The following PAPPA2 variants were observed in gnomAD, a reference collection of about 807,000 sequenced individuals.
The protein encoded by PAPPA2 is pappalysin 2.
PAPPA2 carries 86 observed loss-of-function variants against 176.4 expected under a neutral mutation model. The ratio of observed to expected loss-of-function variants is 0.49; its 90% confidence interval spans 0.41 to 0.58. The LOEUF (loss-of-function observed/expected upper bound fraction) is 0.58. Ranked by LOEUF, PAPPA2 falls within the 20% of genes least tolerant of loss-of-function variation. PAPPA2 has a pLI of 0.00. For missense variants in PAPPA2, 2,073 were observed against 2,256.9 expected, an observed-to-expected ratio of 0.92 and a Z score of 1.65; for synonymous variants, 809 against 852.2, an observed-to-expected ratio of 0.95 and a Z score of 0.88.
intron 1 of PAPPA2, among the ~76,000 whole-genome samples, chr1:176,499,220 T>C (rs1647817636): frequency 6.6e-6 from 1 of 152,198 alleles, no homozygotes; most frequent in Non-Finnish European, 1.5e-5. Context: ...GGGAAACAAT[T>C]ATTTAATAAT....
intron 3 of PAPPA2, among the ~76,000 whole-genome samples, chr1:176,658,624 G>A (rs2102754656): frequency 6.6e-6 from 1 of 152,044 alleles, no homozygotes; most frequent in African/African-American, 2.4e-5. Flanking sequence ...TTAGAATTTT[G>A]ATAATTAAAG....
intron 19 of PAPPA2, 67 bp downstream of exon 19, chr1:176,791,549 T>G: frequency 2.6e-6 from 4 of 1,532,840 alleles, no homozygotes; most frequent in Non-Finnish European, 3.6e-6. Context: ...AGCTGAATTT[T>G]TTTTAATTTT....
intron 12 of PAPPA2, among the ~76,000 whole-genome samples, chr1:176,722,878 A>G (rs1485738292): frequency 6.6e-6 from 1 of 152,190 alleles, no homozygotes; most frequent in East Asian, 1.9e-4. Flanking sequence ...TTACTTTAAT[A>G]TATGTCAGTT....
In PAPPA2 at chr1:176,756,030, C is replaced by T. The variant is rs1192295635; in HGVS notation, c.4152-9636C>T. 5.9e-5 allele frequency among the ~76,000 whole-genome samples: 9 copies of T among 152,270 alleles called. No individual in the cohort carries two copies. The East Asian group carries it at 1.7e-3, about 29-fold the overall frequency. On this transcript the variant is annotated intron_variant, in intron 14 of 22. Transcript: ENST00000367662. ...AGGTTGGAGTGCAGCACAATCTCGG[C>T]TCACTGCAATGTCCATCTCCCGGGT...
At chr1:176,487,596 C>A (rs892824695) in intron 1 of PAPPA2, among the ~76,000 whole-genome samples, 1 of 152,098 alleles carries the variant, frequency 6.6e-6, no homozygotes, top group Non-Finnish European at 1.5e-5. Flanking sequence ...AACAGCTAGA[C>A]CTGGTGAGAT....
At chr1:176,708,376 C>A (rs1026436557) in intron 10 of PAPPA2, among the ~76,000 whole-genome samples, 4 of 151,784 alleles carry the variant, frequency 2.6e-5, no homozygotes, top group Admixed American at 2.0e-4. Flanking sequence ...TTGAAGGAAC[C>A]CCATTGTAAA....
At position 176,704,825 on chromosome 1, in the gene PAPPA2, A is replaced by G. The variant is rs182692592; in HGVS notation, c.3366-1534A>G. The stretch of plus-strand genomic sequence containing the variant: ...AATAATGTAACATGCCTCATTTTAT[A>G]CTGACTGCAGATTGAAATAATATTT... On this transcript the variant is annotated intron_variant, in intron 9 of 22. Coordinates refer to ENST00000367662, the MANE Select transcript of PAPPA2 (RefSeq NM_020318.3). 3.2e-4 allele frequency among the ~76,000 whole-genome samples: 49 copies of G among 152,306 alleles called. 1 individual carries two copies. The Middle Eastern group carries it at 0.01, about 32-fold the overall frequency.
chr1:176,499,757 A>C (rs1480789664), intron 1 of PAPPA2, among the ~76,000 whole-genome samples: 1 of 152,198 alleles, frequency 6.6e-6, no homozygotes, highest in Admixed American at 6.5e-5. Context: ...TCTTAATCAC[A>C]GTCTATCATA....
intron 12 of PAPPA2, among the ~76,000 whole-genome samples, chr1:176,736,412 G>A (rs1250041503): frequency 6.7e-6 from 1 of 150,202 alleles, no homozygotes; most frequent in African/African-American, 2.4e-5. Flanking sequence ...CTATATATAT[G>A]TATGTATTCC....
intron 3 of PAPPA2, among the ~76,000 whole-genome samples, chr1:176,669,769 G>A (rs1658880544): frequency 6.6e-6 from 1 of 152,028 alleles, no homozygotes; most frequent in Admixed American, 6.6e-5. Flanking sequence ...CCCTTTCTCA[G>A]GTGCTTTTTG....
chr1:176,708,624 T>C (rs1660994478), intron 10 of PAPPA2, among the ~76,000 whole-genome samples: 1 of 151,956 alleles, frequency 6.6e-6, no homozygotes, highest in Admixed American at 6.6e-5. Context: ...TGAGTAGGTT[T>C]GGTGAAATGC....
chr1:176,614,839 T>C (rs569279623), intron 3 of PAPPA2, among the ~76,000 whole-genome samples: 2 of 152,242 alleles, frequency 1.3e-5, no homozygotes, highest in Admixed American at 6.5e-5. Context: ...ATCAATTACA[T>C]AGTAAAACAA....
At chr1:176,525,054 T>C (rs952044237) in intron 1 of PAPPA2, among the ~76,000 whole-genome samples, 1 of 151,774 alleles carries the variant, frequency 6.6e-6, no homozygotes, top group African/African-American at 2.4e-5. Context: ...AAAAAAAAAG[T>C]TACAGCCTTA....
rs374998918 is a variant in PAPPA2 at position 176,711,946 on chromosome 1, G to T, written c.3763G>T (p.Gly1255Cys). ...GGATGACAGGAGTGAACAGCCAGAA[G>T]GTAGCCTGAAGAAAGAGGATGAGGT... The part of the protein sequence containing the change: ...TQDDRSEQPE[G>C]SLKKEDEVWL... Residue 1255 changes from glycine to cysteine, a missense_variant, in exon 12 of 23, where the codon GGT (glycine) becomes TGT (cysteine). Gly to Cys is a radical substitution (Grantham distance 159). Coordinates refer to ENST00000367662, the MANE Select transcript of PAPPA2 (RefSeq NM_020318.3). 2 of 1,613,458 alleles carry T rather than the reference G, an allele frequency of 1.2e-6. No individual in the cohort carries two copies. Among genetic ancestry groups the T allele is most frequent in the Non-Finnish European group, 1.7e-6 (2 of 1,179,580 alleles).
At chr1:176,510,824 C>T (rs1486041155) in intron 1 of PAPPA2, among the ~76,000 whole-genome samples, 3 of 150,254 alleles carry the variant, frequency 2.0e-5, no homozygotes, top group African/African-American at 2.5e-5. Flanking sequence ...CACACACACA[C>T]ACACACACAC....
chr1:176,484,149 C>T (rs1167482503), intron 1 of PAPPA2, among the ~76,000 whole-genome samples: 4 of 152,216 alleles, frequency 2.6e-5, no homozygotes, highest in Non-Finnish European at 5.9e-5. Flanking sequence ...TTTGTCTCAA[C>T]ACTTTAATTT....
intron 1 of PAPPA2, among the ~76,000 whole-genome samples, chr1:176,513,771 T>C (rs1358103501): frequency 6.6e-6 from 1 of 152,224 alleles, no homozygotes; most frequent in Non-Finnish European, 1.5e-5. Flanking sequence ...CTCATTTATA[T>C]ACTACATCCT....
At chr1:176,793,202 G>A (rs1168992777) in intron 19 of PAPPA2, among the ~76,000 whole-genome samples, 1 of 152,138 alleles carries the variant, frequency 6.6e-6, no homozygotes, top group African/African-American at 2.4e-5. Flanking sequence ...GATAGACTTT[G>A]TCTAGCTAGA....
chr1:176,608,193 A>G (rs901763476), intron 3 of PAPPA2, among the ~76,000 whole-genome samples: 3 of 152,244 alleles, frequency 2.0e-5, no homozygotes, highest in African/African-American at 7.2e-5. Flanking sequence ...AATTAAAAAC[A>G]TTAGGCATTT....
Sources: gnomAD v4.1 joint callset for allele counts (sites outside exome capture counted in the v4.1 genomes callset) on GRCh38, gnomAD v4.1.1 for gene constraint, MANE v1.5 for transcripts, NCBI Gene and HGNC (gene_info 2026-07-23, HGNC 2026-07-21) for gene names.